MTOR: variants seen among roughly 807,000 people sequenced by gnomAD.
The protein encoded by MTOR is serine/threonine-protein kinase mTOR.
A neutral mutation model predicts 319.8 loss-of-function variants in MTOR; 70 were observed. The observed-to-expected ratio is 0.22, with a 90% confidence interval of 0.18 to 0.27. The LOEUF is 0.27. Among genes scored for constraint, MTOR ranks in the 10% least tolerant of loss-of-function variants. The pLI is 1.00. For missense variants in MTOR, 1,890 were observed against 3,274.4 expected, an observed-to-expected ratio of 0.58 and a Z score of 10.32; for synonymous variants, 1,183 against 1,211.4, an observed-to-expected ratio of 0.98 and a Z score of 0.49.
At chr1:11,174,007 C>A (rs890611387) in intron 28 of MTOR, among the ~76,000 whole-genome samples, 1 of 152,130 alleles carries the variant, frequency 6.6e-6, no homozygotes, top group Non-Finnish European at 1.5e-5. Context: ...TTATTTCGAC[C>A]CTGTGAAACT....
intron 39 of MTOR, 73 bp downstream of exon 39, chr1:11,130,456 C>A (rs1401193988): frequency 2.2e-5 from 35 of 1,567,112 alleles, no homozygotes; most frequent in Non-Finnish European, 2.9e-5. Context: ...TCCTTTTAAG[C>A]TTAACAACGA....
chr1:11,215,144 T>C (rs1369881785), intron 20 of MTOR, among the ~76,000 whole-genome samples: 2 of 152,218 alleles, frequency 1.3e-5, no homozygotes, highest in African/African-American at 4.8e-5. Context: ...ATGACTATAA[T>C]ATGGTCATAT....
At chr1:11,164,794 A>C (rs2100599248) in intron 29 of MTOR, among the ~76,000 whole-genome samples, 1 of 152,314 alleles carries the variant, frequency 6.6e-6, no homozygotes, top group East Asian at 1.9e-4. Flanking sequence ...GAGACACAAC[A>C]AAACAAGAGA....
At chr1:11,238,352 G>A (rs2100900580) in intron 12 of MTOR, 50 bp downstream of exon 12, 6 of 1,585,252 alleles carry the variant, frequency 3.8e-6, no homozygotes, top group Non-Finnish European at 5.2e-6. Flanking sequence ...ACTCCCAATT[G>A]TCCTAAGCTC....
At chr1:11,170,394 A>T (rs543749663) in intron 28 of MTOR, among the ~76,000 whole-genome samples, 2 of 151,416 alleles carry the variant, frequency 1.3e-5, no homozygotes, top group East Asian at 3.9e-4. Flanking sequence ...CCAAATAAAG[A>T]TTTTGGAAGC....
Position 11,228,893 on chromosome 1 carries a change from C to T in MTOR, c.2805G>A (p.Leu935=), listed in dbSNP as rs137863158. The change falls in exon 19 of 58, where the codon CTG becomes CTA. Residue 935 remains leucine, a synonymous_variant. Transcript: ENST00000361445. ...CCAGAGGCAAGTTTCCCATGTTGAC[C>T]AGCATTTCACTAGTGCTATAGTCAG... is the stretch of plus-strand genomic sequence containing the variant. ...DSSDYSTSEM[L]VNMGNLPLDE... 1,917 of 1,614,152 alleles carry T rather than the reference C, an allele frequency of 1.2e-3. 27 individuals are homozygous for T. In the South Asian group the frequency reaches 0.012, roughly 10 times the overall value.
intron 28 of MTOR, among the ~76,000 whole-genome samples, chr1:11,188,982 T>C (rs1178519486): frequency 6.6e-6 from 1 of 152,204 alleles, no homozygotes. Context: ...GTGAGTAGCG[T>C]CTCTTTCGCC....
intron 20 of MTOR, among the ~76,000 whole-genome samples, chr1:11,213,995 T>C (rs763362152): frequency 5.9e-5 from 9 of 152,220 alleles, no homozygotes; most frequent in Non-Finnish European, 1.0e-4. Context: ...CTGTCCTCCC[T>C]CTAGACTGTA....
At position 11,213,448 on chromosome 1, in the gene MTOR, A is replaced by G; in HGVS notation, c.3236T>C (p.Leu1079Pro). Residue 1079 changes from leucine (L) to proline (P), a missense_variant, in exon 21 of 58, where the codon CTG (leucine) becomes CCG (proline). By Grantham distance (98) the Leu-to-Pro change is moderately conservative (BLOSUM62 -3). Transcript: ENST00000361445. Reference sequence around the variant, plus strand: ...GCTGTTGTCATGCATGAAGACACGCAGCATGTGTGGGATCAGCTGGGGCAG... The same window carrying G: ...GCTGTTGTCATGCATGAAGACACGCGGCATGTGTGGGATCAGCTGGGGCAG... ...LYLPQLIPHMLRVFMHDNSPG... is the reference protein window; with the variant it reads ...LYLPQLIPHMPRVFMHDNSPG... The G allele has an allele frequency of 6.2e-7, 1 of 1,613,800 alleles. No individual in the cohort carries two copies. Among genetic ancestry groups the G allele is most frequent in the Non-Finnish European group, 8.5e-7 (1 of 1,180,006 alleles).
At chr1:11,241,945 G>A (rs1648095131) in intron 9 of MTOR, among the ~76,000 whole-genome samples, 1 of 152,162 alleles carries the variant, frequency 6.6e-6, no homozygotes, top group Non-Finnish European at 1.5e-5. Context: ...TATACCATAT[G>A]GGTTATTGTG....
intron 28 of MTOR, among the ~76,000 whole-genome samples, chr1:11,190,663 C>T (rs938962114): frequency 6.6e-6 from 1 of 152,136 alleles, no homozygotes; most frequent in Non-Finnish European, 1.5e-5. Context: ...CTTTCTTTTG[C>T]AAAATAACTT....
At chr1:11,134,315 G>A (rs574788802) in intron 37 of MTOR, 36 bp downstream of exon 37, 4 of 1,586,860 alleles carry the variant, frequency 2.5e-6, no homozygotes, top group Non-Finnish European at 3.5e-6. Flanking sequence ...TGACAGGGCT[G>A]GAATATGACT....
rs1199467474 is a variant in MTOR, at chr1:11,114,899, T to A, written c.7090-12A>T. The A allele has an allele frequency of 1.9e-6, 3 of 1,612,760 alleles. No homozygotes were observed. The highest frequency in any genetic ancestry group is 2.5e-6 in the Non-Finnish European group (3 of 1,178,966). On this transcript the variant is annotated splice_polypyrimidine_tract_variant and intron_variant, in intron 51 of 57. Coordinates refer to ENST00000361445, the MANE Select transcript of MTOR (RefSeq NM_004958.4). ...CGGGTCATAGCAACCTACAGAATAATAAATGGGAAAAGCCAAATCAATGTT... is the reference window on the plus strand; with the variant it reads ...CGGGTCATAGCAACCTACAGAATAAAAAATGGGAAAAGCCAAATCAATGTT...
rs537700136 is a variant in MTOR, at chr1:11,221,760, T to C, written c.3031-5526A>G. Among the ~76,000 whole-genome samples the C allele has an allele frequency of 2.7e-3, 402 of 147,426 alleles. 2 individuals are homozygous for C. Among genetic ancestry groups the C allele is most frequent in the African/African-American group, 9.7e-3 (385 of 39,570 alleles). ...ATATTCTATATATATAGAAATACTC[T>C]ATATAGAGAGCTCTGTTTCTTTTAG... On this transcript the variant is annotated intron_variant, in intron 19 of 57. Transcript: ENST00000361445.
chr1:11,241,706 G>C, intron 9 of MTOR, 25 bp from the exon 10 acceptor site: 1 of 1,599,096 alleles, frequency 6.3e-7, no homozygotes, highest in Non-Finnish European at 8.5e-7. Flanking sequence ...AGAGTGGCTA[G>C]TTGAGACATA....
chr1:11,240,767 A>C (rs1384224770), intron 10 of MTOR, among the ~76,000 whole-genome samples: 1 of 152,218 alleles, frequency 6.6e-6, no homozygotes, highest in Non-Finnish European at 1.5e-5. Context: ...AGACTTGCTC[A>C]CTATAATTCA....
chr1:11,116,964 T>C (rs957150631), intron 50 of MTOR, 40 bp downstream of exon 50: 1 of 1,458,042 alleles, frequency 6.9e-7, no homozygotes. Context: ...AAAACTACAA[T>C]GGAGAAAGAA....
At chr1:11,158,555 G>C (rs1199499750) in intron 29 of MTOR, among the ~76,000 whole-genome samples, 1 of 152,020 alleles carries the variant, frequency 6.6e-6, no homozygotes, top group Non-Finnish European at 1.5e-5. Context: ...AGCGTATCTG[G>C]CTCCACGTAA....
chr1:11,167,634 T>C, intron 28 of MTOR, 117 bp from the exon 29 acceptor site: 1 of 747,512 alleles, frequency 1.3e-6, no homozygotes, highest in Non-Finnish European at 2.3e-6. Context: ...TTGCAGATGC[T>C]GAAAGAGTAT....
Sources: gnomAD v4.1 joint callset for allele counts (sites outside exome capture counted in the v4.1 genomes callset) on GRCh38, gnomAD v4.1.1 for gene constraint, MANE v1.5 for transcripts, NCBI Gene and HGNC (gene_info 2026-07-23, HGNC 2026-07-21) for gene names.